Variants in NRG3 observed in about 807,000 individuals in gnomAD.
The protein encoded by NRG3 is neuregulin 3.
A neutral mutation model predicts 66.9 loss-of-function variants in NRG3; 31 were observed. The observed-to-expected ratio is 0.46, with a 90% CI of 0.35 to 0.63. The LOEUF (loss-of-function observed/expected upper bound fraction) is 0.63, where lower values mean the gene tolerates loss of function less well. NRG3 is among the 20% of genes least tolerant of loss of function. The pLI, the probability that NRG3 is intolerant of heterozygous loss-of-function variation, is 0.00. For missense variants in NRG3, 910 were observed against 878.9 expected, an observed-to-expected ratio of 1.04 and a Z score of -0.45; for synonymous variants, 393 against 359.4, an observed-to-expected ratio of 1.09 and a Z score of -1.06.
chr10:82,768,137 G>A (rs913185175), intron 3 of NRG3, among the ~76,000 whole-genome samples: 10 of 152,162 alleles, frequency 6.6e-5, no homozygotes, highest in Non-Finnish European at 1.3e-4. Flanking sequence ...CAAGTCAAGA[G>A]TAGGAGAAAT....
intron 3 of NRG3, among the ~76,000 whole-genome samples, chr10:82,826,801 C>T (rs550241515): frequency 5.3e-5 from 8 of 152,050 alleles, no homozygotes; most frequent in South Asian, 2.1e-4. Flanking sequence ...AACTACCTAT[C>T]GGGTATTATG....
chr10:82,497,788 G>C (rs575542109), intron 2 of NRG3, among the ~76,000 whole-genome samples: 1 of 152,220 alleles, frequency 6.6e-6, no homozygotes, highest in Non-Finnish European at 1.5e-5. Context: ...CAACATGGTA[G>C]TTCTATTTTC....
chr10:82,269,467 C>T (rs1251135372), intron 1 of NRG3, among the ~76,000 whole-genome samples: 1 of 152,098 alleles, frequency 6.6e-6, no homozygotes, highest in African/African-American at 2.4e-5. Context: ...TATCTCCAGC[C>T]TCCACCTCTC....
intron 1 of NRG3, among the ~76,000 whole-genome samples, chr10:81,988,307 T>C (rs772721364): frequency 6.6e-6 from 1 of 152,144 alleles, no homozygotes; most frequent in Non-Finnish European, 1.5e-5. Flanking sequence ...CTGAAAGCTA[T>C]GTTAAGGCCT....
At chr10:82,625,693 T>C (rs1185868658) in intron 2 of NRG3, among the ~76,000 whole-genome samples, 2 of 152,096 alleles carry the variant, frequency 1.3e-5, no homozygotes, top group Non-Finnish European at 2.9e-5. Context: ...CCCAAACATT[T>C]CTCCTCAATC....
intron 1 of NRG3, among the ~76,000 whole-genome samples, chr10:81,949,126 C>T (rs991429265): frequency 5.3e-5 from 8 of 152,078 alleles, no homozygotes; most frequent in African/African-American, 1.4e-4. Flanking sequence ...TTGACATAGT[C>T]GACCACCCAC....
At chr10:82,561,061 C>A (rs1335527549) in intron 2 of NRG3, among the ~76,000 whole-genome samples, 3 of 151,960 alleles carry the variant, frequency 2.0e-5, no homozygotes, top group African/African-American at 7.3e-5. Context: ...ATTGATTTTT[C>A]ATTTCATGCC....
intron 5 of NRG3, among the ~76,000 whole-genome samples, chr10:82,957,203 C>T (rs1038525500): frequency 1.3e-5 from 2 of 151,844 alleles, no homozygotes; most frequent in Non-Finnish European, 2.9e-5. Flanking sequence ...CCACAGTGTC[C>T]GTGGAAGATA....
intron 2 of NRG3, among the ~76,000 whole-genome samples, chr10:82,669,599 G>T (rs941195051): frequency 6.6e-6 from 1 of 152,054 alleles, no homozygotes; most frequent in Non-Finnish European, 1.5e-5. Context: ...GGCCTTTCTG[G>T]GACACATTCA....
At chr10:81,892,677 T>C (rs1243068652) in intron 1 of NRG3, among the ~76,000 whole-genome samples, 1 of 151,976 alleles carries the variant, frequency 6.6e-6, no homozygotes, top group South Asian at 2.1e-4. Flanking sequence ...AGAAGGGTAG[T>C]GAGGGGTTAC....
intron 2 of NRG3, among the ~76,000 whole-genome samples, chr10:82,488,800 C>T (rs1022638851): frequency 6.6e-6 from 1 of 152,118 alleles, no homozygotes; most frequent in Non-Finnish European, 1.5e-5. Context: ...ATACCATATT[C>T]TGTATTTATT....
intron 7 of NRG3, among the ~76,000 whole-genome samples, chr10:82,976,855 C>T (rs1341065458): frequency 1.3e-5 from 2 of 152,124 alleles, no homozygotes; most frequent in Admixed American, 6.5e-5. Flanking sequence ...TTACAACTCA[C>T]TTTCTCTCTG....
intron 1 of NRG3, among the ~76,000 whole-genome samples, chr10:81,899,628 C>A (rs995254773): frequency 1.3e-5 from 2 of 152,178 alleles, no homozygotes; most frequent in African/African-American, 2.4e-5. Context: ...CCTGTACTTA[C>A]TCTCTTTCAA....
intron 4 of NRG3, among the ~76,000 whole-genome samples, chr10:82,916,630 A>AT (rs10628568): frequency 0.033 from 4,932 of 147,914 alleles, 171 homozygotes; most frequent in African/African-American, 0.079. Context: ...CAGCAATTAC[A>AT]TTTTTTTTTT....
intron 2 of NRG3, among the ~76,000 whole-genome samples, chr10:82,711,159 G>A (rs1490653747): frequency 6.6e-6 from 1 of 152,140 alleles, no homozygotes; most frequent in Non-Finnish European, 1.5e-5. Context: ...GCTCACTGCA[G>A]CCTCAAACTT....
intron 2 of NRG3, among the ~76,000 whole-genome samples, chr10:82,370,892 G>C (rs752968216): frequency 1.3e-5 from 2 of 151,670 alleles, no homozygotes; most frequent in Non-Finnish European, 2.9e-5. Context: ...GATTCTGGTG[G>C]CTTTATGAAT....
chr10:82,978,212 G>C (rs532761986), intron 7 of NRG3, among the ~76,000 whole-genome samples: 2 of 152,222 alleles, frequency 1.3e-5, no homozygotes, highest in South Asian at 2.1e-4. Context: ...ATAGAGTCTA[G>C]TTCTTTTCTG....
chr10:81,966,564 G>A (rs1020922149), intron 1 of NRG3, among the ~76,000 whole-genome samples: 1 of 151,928 alleles, frequency 6.6e-6, no homozygotes, highest in African/African-American at 2.4e-5. Context: ...TACCACCTTG[G>A]ACTCCAAAAG....
intron 3 of NRG3, among the ~76,000 whole-genome samples, chr10:82,818,084 A>G (rs1278242598): frequency 2.0e-5 from 3 of 152,354 alleles, no homozygotes; most frequent in Non-Finnish European, 4.4e-5. Flanking sequence ...GCTGTTGGCT[A>G]GCTGCATTTA....
Sources: gnomAD v4.1 joint callset for allele counts (sites outside exome capture counted in the v4.1 genomes callset) on GRCh38, gnomAD v4.1.1 for gene constraint, MANE v1.5 for transcripts, NCBI Gene and HGNC (gene_info 2026-07-23, HGNC 2026-07-21) for gene names.